PPP1R1C: variants seen among roughly 807,000 people sequenced by gnomAD.
PPP1R1C encodes the protein protein phosphatase 1 regulatory subunit 1C.
Under a neutral mutation model 17.4 loss-of-function variants are expected in PPP1R1C, and 15 were observed. That is an observed-to-expected ratio of 0.86 (90% CI 0.58 to 1.33). PPP1R1C has a LOEUF of 1.33. Ranked by LOEUF, PPP1R1C falls within the 40% of genes most tolerant of loss-of-function variation. The probability of loss-of-function intolerance (pLI) is 0.00; values close to 1 mark genes in which losing one functional copy is unlikely to be tolerated. For synonymous variants in PPP1R1C, 35 were observed against 43.1 expected, an observed-to-expected ratio of 0.81 and a Z score of 0.73; for missense variants, 143 against 130.0, an observed-to-expected ratio of 1.10 and a Z score of -0.48.
chr2:182,032,232 T>C (rs545131256), intron 2 of PPP1R1C, among the ~76,000 whole-genome samples: 1 of 152,296 alleles, frequency 6.6e-6, no homozygotes, highest in South Asian at 2.1e-4. Flanking sequence ...AACATATTGG[T>C]TTCATCAGAA....
chr2:182,055,684 A>T (rs1687662184), intron 2 of PPP1R1C, among the ~76,000 whole-genome samples: 1 of 152,194 alleles, frequency 6.6e-6, no homozygotes, highest in Admixed American at 6.5e-5. Flanking sequence ...CAGTACTTGA[A>T]GACCGTTGTG....
At position 181,962,218 on chromosome 2, in the gene PPP1R1C, C is replaced by T. The variant is rs1684811358; in HGVS notation, n.111+7584C>T. The T allele has an allele frequency of 1.4e-6, 1 of 736,166 alleles. No homozygotes were observed. The highest frequency in any genetic ancestry group is 2.5e-6 in the Non-Finnish European group (1 of 404,508). The allele number at this position is 736,166 out of a possible 1,614,324, so 45.6% of individuals were successfully genotyped here. ...CCAGGTAGGAGGCCAGACGGTCATTCAGGCTTTGCATTGTCTCCTTCTTAT... is the reference window on the plus strand; with the variant it reads ...CCAGGTAGGAGGCCAGACGGTCATTTAGGCTTTGCATTGTCTCCTTCTTAT... On this transcript the variant is annotated intron_variant and non_coding_transcript_variant, in intron 1 of 5. Coordinates refer to the PPP1R1C transcript ENST00000464264. The surrounding 1 kb of genome is among the most constrained non-coding windows in gnomAD (Gnocchi z 6.0).
chr2:182,023,628 AT>A lies in PPP1R1C; in HGVS notation c.142+35738del, dbSNP rs879816384. On this transcript the variant is annotated intron_variant, in intron 2 of 4. Transcript: ENST00000682840. ...ATAAAATATTATTATTAAATTATTG[AT>A]TTTTTTTTAAGACAGGATTTTCCTC... 7.8e-3 allele frequency among the ~76,000 whole-genome samples: 1,186 copies of A among 151,458 alleles called. 4 individuals are homozygous for A. The highest frequency in any genetic ancestry group is 0.012 in the Non-Finnish European group (817 of 67,778).
chr2:182,078,176 C>T (rs887400604), intron 4 of PPP1R1C, among the ~76,000 whole-genome samples: 3 of 152,038 alleles, frequency 2.0e-5, no homozygotes, highest in African/African-American at 7.2e-5. Flanking sequence ...ACCTGAGCCC[C>T]TTAGGAGAAA....
chr2:181,981,217 C>T (rs1292591166), upstream of PPP1R1C, among the ~76,000 whole-genome samples: 1 of 152,054 alleles, frequency 6.6e-6, no homozygotes, highest in Admixed American at 6.5e-5. Context: ...CGTGAGCCAC[C>T]GTGCCCGGCC....
intron 4 of PPP1R1C, among the ~76,000 whole-genome samples, chr2:182,083,588 A>AT (rs931349052): frequency 6.6e-5 from 10 of 151,756 alleles, no homozygotes; most frequent in African/African-American, 1.2e-4. Context: ...TGCAAAGGAT[A>AT]TTTTTTTTCT....
chr2:182,084,027 A>T (rs1688556540), intron 4 of PPP1R1C, among the ~76,000 whole-genome samples: 1 of 152,152 alleles, frequency 6.6e-6, no homozygotes, highest in South Asian at 2.1e-4. Flanking sequence ...GATGTTGAAC[A>T]TTTTAAAATG....
chr2:182,101,990 C>T (rs1434566559), intron 4 of PPP1R1C, among the ~76,000 whole-genome samples: 1 of 151,978 alleles, frequency 6.6e-6, no homozygotes, highest in East Asian at 1.9e-4. Flanking sequence ...TTGAGGTTCC[C>T]TGTATTAATA....
At chr2:181,977,110 G>T (rs1167905121) in intron 2 of PPP1R1C, among the ~76,000 whole-genome samples, 1 of 117,350 alleles carries the variant, frequency 8.5e-6, no homozygotes, top group African/African-American at 3.4e-5. Flanking sequence ...CTCCAGCCTG[G>T]GCAACAGAGT....
intron 2 of PPP1R1C, among the ~76,000 whole-genome samples, chr2:182,040,441 C>T (rs899573834): frequency 2.6e-5 from 4 of 152,076 alleles, no homozygotes; most frequent in African/African-American, 4.8e-5. Flanking sequence ...TATTGGCCAT[C>T]GGTATATCTT....
intron 4 of PPP1R1C, among the ~76,000 whole-genome samples, chr2:182,105,953 C>T (rs574653655): frequency 8.5e-5 from 13 of 152,264 alleles, no homozygotes; most frequent in South Asian, 8.3e-4. Flanking sequence ...CCTGAGACAA[C>T]GGTGTCCTCA....
downstream of PPP1R1C, among the ~76,000 whole-genome samples, chr2:182,122,036 A>G (rs761173884): frequency 9.9e-5 from 15 of 152,102 alleles, no homozygotes; most frequent in Non-Finnish European, 1.9e-4. Context: ...AGTTGTTTAC[A>G]CTGACTCTAA....
intron 4 of PPP1R1C, among the ~76,000 whole-genome samples, chr2:182,071,557 G>T (rs1688140630): frequency 6.6e-6 from 1 of 152,106 alleles, no homozygotes; most frequent in Non-Finnish European, 1.5e-5. Flanking sequence ...TTTCCATACT[G>T]TACTCTTTGG....
At chr2:182,046,007 G>A (rs1438862624) in intron 2 of PPP1R1C, among the ~76,000 whole-genome samples, 2 of 151,926 alleles carry the variant, frequency 1.3e-5, no homozygotes, top group African/African-American at 2.4e-5. Context: ...ATATACATAT[G>A]CATAGTGAAG....
chr2:181,968,231 T>A (rs1684941004), intron 1 of PPP1R1C, among the ~76,000 whole-genome samples: 2 of 152,222 alleles, frequency 1.3e-5, no homozygotes, highest in South Asian at 4.1e-4. Flanking sequence ...TAGCATAGAT[T>A]AAGTCCAAAG....
chr2:182,042,026 G>A (rs570197351), intron 2 of PPP1R1C, among the ~76,000 whole-genome samples: 34 of 151,922 alleles, frequency 2.2e-4, no homozygotes, highest in South Asian at 8.3e-4. Context: ...TTCCTTTTCC[G>A]TGTATGTAGC....
intron 2 of PPP1R1C, among the ~76,000 whole-genome samples, chr2:182,001,283 G>T (rs139894801): frequency 6.6e-6 from 1 of 152,254 alleles, no homozygotes; most frequent in African/African-American, 2.4e-5. Context: ...CAGATGCATA[G>T]ACAATTTTGC....
downstream of PPP1R1C, among the ~76,000 whole-genome samples, chr2:182,120,962 A>T (rs1357853249): frequency 6.6e-6 from 1 of 152,224 alleles, no homozygotes; most frequent in Non-Finnish European, 1.5e-5. Flanking sequence ...TAAAAGCTTA[A>T]GTTTTCTTTG....
At chr2:181,987,473 G>A (rs1685331791) in intron 1 of PPP1R1C, among the ~76,000 whole-genome samples, 1 of 152,092 alleles carries the variant, frequency 6.6e-6, no homozygotes, top group African/African-American at 2.4e-5. Flanking sequence ...TAAAAATAAG[G>A]GTAATGAATC....
Sources: gnomAD v4.1 joint callset for allele counts (sites outside exome capture counted in the v4.1 genomes callset) on GRCh38, gnomAD v4.1.1 for gene constraint, Gnocchi (gnomAD v3.1) non-coding constraint, MANE v1.5 for transcripts, NCBI Gene and HGNC (gene_info 2026-07-23, HGNC 2026-07-21) for gene names.